Variants in AUH observed in about 807,000 individuals in gnomAD.
The protein encoded by AUH is methylglutaconyl-CoA hydratase, mitochondrial.
A neutral mutation model predicts 42.3 loss-of-function variants in AUH; 29 were observed. The ratio of observed to expected loss-of-function variants is 0.69; its 90% CI spans 0.51 to 0.93. AUH has a LOEUF of 0.93. AUH is among the 40% of genes least tolerant of loss of function. The pLI is 0.00. For missense variants in AUH, 452 were observed against 438.1 expected, an observed-to-expected ratio of 1.03 and a Z score of -0.28; for synonymous variants, 174 against 166.4, an observed-to-expected ratio of 1.05 and a Z score of -0.35.
chr9:91,353,248 A>T (rs551995694), intron 3 of AUH, among the ~76,000 whole-genome samples: 1 of 152,124 alleles, frequency 6.6e-6, no homozygotes, highest in South Asian at 2.1e-4. Context: ...TACCACGCCC[A>T]GAAAATTTTT....
chr9:91,291,598 A>G (rs566028358), intron 6 of AUH, among the ~76,000 whole-genome samples: 71 of 152,342 alleles, frequency 4.7e-4, no homozygotes, highest in Admixed American at 4.4e-3. Flanking sequence ...GTTTTGGCCT[A>G]CAAGAATAAC....
At chr9:91,232,915 CAAGT>C (rs754519194) in intron 6 of AUH, among the ~76,000 whole-genome samples, 8 of 152,170 alleles carry the variant, frequency 5.3e-5, no homozygotes, top group Non-Finnish European at 1.2e-4. Context: ...TTTACATAAC[CAAGT>C]AAGTAATTGC....
chr9:91,280,263 C>A (rs1361681621), intron 6 of AUH, among the ~76,000 whole-genome samples: 1 of 152,206 alleles, frequency 6.6e-6, no homozygotes, highest in African/African-American at 2.4e-5. Flanking sequence ...GGTCTTTCAA[C>A]ATCTGCTTTC....
intron 6 of AUH, among the ~76,000 whole-genome samples, chr9:91,269,046 T>C (rs957717305): frequency 6.6e-6 from 1 of 152,082 alleles, no homozygotes; most frequent in Non-Finnish European, 1.5e-5. Flanking sequence ...AGTGGTGCGA[T>C]CTTGGCTAAC....
At chr9:91,293,600 G>A (rs1208108315) in intron 6 of AUH, among the ~76,000 whole-genome samples, 1 of 152,198 alleles carries the variant, frequency 6.6e-6, no homozygotes, top group African/African-American at 2.4e-5. Context: ...AGAAGCTGCA[G>A]AAGAAAAGTT....
Position 91,361,774 on chromosome 9 carries a change from G to C in AUH, c.116C>G (p.Ser39Trp). 2 of 1,544,264 alleles carry C rather than the reference G, an allele frequency of 1.3e-6. No individual in the cohort carries two copies. The highest frequency in any genetic ancestry group is 8.7e-7 in the Non-Finnish European group (1 of 1,145,908). ...CGGGCCCGCTCGCCGGCCTGCCAAC[G>C]AGCCGGGCAGCCTCAACCCCGGGCA... ...WLCPGLRLPG[S>W]LAGRRAGPAI... The change falls in exon 1 of 10, where the codon TCG becomes TGG. Residue 39 changes from serine (S) to tryptophan (W), a missense_variant. Ser to Trp is a radical substitution (Grantham distance 177). Coordinates refer to ENST00000375731, the MANE Select transcript of AUH (RefSeq NM_001698.3).
intron 9 of AUH, among the ~76,000 whole-genome samples, chr9:91,214,732 A>C (rs1168145848): frequency 6.6e-6 from 1 of 152,228 alleles, no homozygotes; most frequent in Admixed American, 6.5e-5. Flanking sequence ...TATATCCCAC[A>C]AACTTTGAGA....
chr9:91,361,753 C>A lies in AUH; in HGVS notation c.137G>T (p.Gly46Val), dbSNP rs1348437619. Residue 46 changes from glycine to valine, a missense_variant, in exon 1 of 10, where the codon GGC (glycine) becomes GTC (valine). Gly to Val is a moderately radical substitution (Grantham distance 109, BLOSUM62 -3). Coordinates refer to ENST00000375731, the MANE Select transcript of AUH (RefSeq NM_001698.3). ...CCAGCCCTGGGCCCAGATCGCCGGG[C>A]CCGCTCGCCGGCCTGCCAACGAGCC... Reference protein sequence around the residue: ...LPGSLAGRRAGPAIWAQGWVP... With the variant: ...LPGSLAGRRAVPAIWAQGWVP... 8 of 1,544,868 alleles carry A rather than the reference C, an allele frequency of 5.2e-6. No homozygotes were observed. The highest frequency in any genetic ancestry group is 7.0e-6 in the Non-Finnish European group (8 of 1,145,434).
intron 3 of AUH, chr9:91,342,859 C>T (rs1232763652): frequency 6.6e-6 from 1 of 152,472 alleles, no homozygotes; most frequent in Admixed American, 6.5e-5. Context: ...TCTGCCACCC[C>T]TTTGAGACAG....
Position 91,214,337 on chromosome 9 carries a change from TTC to T in AUH, c.*9_*10del, listed in dbSNP as rs766609298. 6.3e-7 allele frequency: 1 copy of T among 1,596,708 alleles called. No homozygotes were observed. Among genetic ancestry groups the T allele is most frequent in the Non-Finnish European group, 8.6e-7 (1 of 1,167,638 alleles). Reference sequence around the variant, plus strand: ...TTTATTACATTGGCATCTTAAGAATTTCTGTTCCTTTTATTCTCCTTTATAGC... The same window carrying T: ...TTTATTACATTGGCATCTTAAGAATTTGTTCCTTTTATTCTCCTTTATAGC... On this transcript the variant is annotated 3_prime_UTR_variant, in exon 10 of 10. Coordinates refer to ENST00000375731, the MANE Select transcript of AUH (RefSeq NM_001698.3).
chr9:91,310,721 G>C (rs1828636255), intron 4 of AUH, among the ~76,000 whole-genome samples: 1 of 152,176 alleles, frequency 6.6e-6, no homozygotes, highest in Non-Finnish European at 1.5e-5. Context: ...ATCATTACAT[G>C]CTGAAATATA....
chr9:91,221,596 A>G (rs146778428), intron 6 of AUH, among the ~76,000 whole-genome samples: 50 of 151,558 alleles, frequency 3.3e-4, no homozygotes, highest in African/African-American at 1.2e-3. Context: ...ACACAAACAC[A>G]CCCCTTTTCC....
chr9:91,276,795 T>C (rs768325520), intron 6 of AUH, among the ~76,000 whole-genome samples: 1 of 152,130 alleles, frequency 6.6e-6, no homozygotes, highest in Non-Finnish European at 1.5e-5. Flanking sequence ...TTATAGAACA[T>C]AGAGGACAAG....
chr9:91,240,853 C>T (rs1176190287), intron 6 of AUH, among the ~76,000 whole-genome samples: 2 of 151,948 alleles, frequency 1.3e-5, no homozygotes, highest in African/African-American at 4.8e-5. Context: ...ACCTACAGTT[C>T]ATTTCAACAT....
intron 6 of AUH, among the ~76,000 whole-genome samples, chr9:91,233,086 C>A (rs114841774): frequency 0.012 from 1,807 of 152,246 alleles, 44 homozygotes; most frequent in African/African-American, 0.042. Flanking sequence ...ATGAACAAAA[C>A]AAAGCCCCTG....
intron 6 of AUH, among the ~76,000 whole-genome samples, chr9:91,241,753 CT>C (rs1828533796): frequency 6.6e-6 from 1 of 152,060 alleles, no homozygotes; most frequent in South Asian, 2.1e-4. Context: ...GATTCCACCC[CT>C]TAAGAGTTGT....
intron 5 of AUH, among the ~76,000 whole-genome samples, chr9:91,297,356 C>T (rs1355316788): frequency 6.6e-6 from 1 of 151,900 alleles, no homozygotes; most frequent in Non-Finnish European, 1.5e-5. Context: ...ATTCTTTTCA[C>T]TCTTTTTCTA....
intron 4 of AUH, among the ~76,000 whole-genome samples, chr9:91,302,108 C>T (rs970149693): frequency 2.0e-5 from 3 of 152,022 alleles, no homozygotes; most frequent in Admixed American, 2.0e-4. Context: ...TCTCAAAGCA[C>T]ATGCCAGTCT....
At chr9:91,285,816 C>T (rs370848075) in intron 6 of AUH, among the ~76,000 whole-genome samples, 25 of 152,056 alleles carry the variant, frequency 1.6e-4, no homozygotes, top group African/African-American at 5.3e-4. Context: ...CTCGTGTATA[C>T]GCAAGGTATG....
Sources: gnomAD v4.1 joint callset for allele counts (sites outside exome capture counted in the v4.1 genomes callset) on GRCh38, gnomAD v4.1.1 for gene constraint, MANE v1.5 for transcripts, NCBI Gene and HGNC (gene_info 2026-07-23, HGNC 2026-07-21) for gene names.